Variants in CLASP2 observed in about 807,000 individuals in gnomAD.
CLASP2 encodes the protein cytoplasmic linker associated protein 2.
Under a neutral mutation model 194.4 loss-of-function variants are expected in CLASP2, and 47 were observed. The observed-to-expected ratio is 0.24, with a 90% CI of 0.19 to 0.31. CLASP2 has a LOEUF of 0.31. Ranked by LOEUF, CLASP2 falls within the 10% of genes least tolerant of loss-of-function variation. The probability of loss-of-function intolerance (pLI) is 1.00; values close to 1 mark genes in which losing one functional copy is unlikely to be tolerated. For missense variants in CLASP2, 1,445 were observed against 1,823.6 expected, an observed-to-expected ratio of 0.79 and a Z score of 3.78; for synonymous variants, 619 against 633.5, an observed-to-expected ratio of 0.98 and a Z score of 0.34.
chr3:33,675,090 G>C (rs1433005004), intron 6 of CLASP2, among the ~76,000 whole-genome samples: 1 of 152,130 alleles, frequency 6.6e-6, no homozygotes, highest in Non-Finnish European at 1.5e-5. Flanking sequence ...CATTTTATGA[G>C]GCCAGCATCA....
At chr3:33,675,744 G>A (rs1344833554) in intron 6 of CLASP2, among the ~76,000 whole-genome samples, 2 of 142,922 alleles carry the variant, frequency 1.4e-5, no homozygotes, top group Non-Finnish European at 3.1e-5. Context: ...CAAAGTCTCA[G>A]GATACAAAAT....
chr3:33,638,429 C>T (rs1027048457), intron 8 of CLASP2, among the ~76,000 whole-genome samples: 5 of 152,080 alleles, frequency 3.3e-5, no homozygotes, highest in Admixed American at 1.3e-4. Context: ...CTCAGCCTCC[C>T]GAATAGCTGG....
chr3:33,640,959 T>C (rs985659583), intron 8 of CLASP2, among the ~76,000 whole-genome samples: 1 of 152,074 alleles, frequency 6.6e-6, no homozygotes, highest in Non-Finnish European at 1.5e-5. Flanking sequence ...CTCAGTGCTA[T>C]AGAATCTAAA....
At chr3:33,498,748 G>A in intron 38 of CLASP2, 31 bp from the exon 39 acceptor site, 1 of 1,431,130 alleles carries the variant, frequency 7.0e-7, no homozygotes, top group South Asian at 1.2e-5. Context: ...AATGTCATTT[G>A]AGCAAGCTGC....
At chr3:33,649,431 G>A (rs935566752) in intron 7 of CLASP2, among the ~76,000 whole-genome samples, 2 of 152,042 alleles carry the variant, frequency 1.3e-5, no homozygotes, top group Non-Finnish European at 1.5e-5. Context: ...TATCTAGAAC[G>A]GCACACATTT....
At chr3:33,521,482 G>C (rs2053072064) in intron 34 of CLASP2, among the ~76,000 whole-genome samples, 1 of 152,130 alleles carries the variant, frequency 6.6e-6, no homozygotes, top group Non-Finnish European at 1.5e-5. Context: ...CTGATGCAAA[G>C]AATGTATAAC....
intron 12 of CLASP2, among the ~76,000 whole-genome samples, chr3:33,616,699 T>C (rs978874686): frequency 2.7e-5 from 4 of 146,508 alleles, no homozygotes; most frequent in African/African-American, 1.0e-4. Flanking sequence ...AATTCAAGGA[T>C]AAAACAAAGA....
In CLASP2 at chr3:33,663,464, C is replaced by T. The variant is rs1559568830; in HGVS notation, c.696G>A (p.Met232Ile). 6.2e-7 allele frequency: 1 copy of T among 1,612,544 alleles called. No individual in the cohort carries two copies. The highest frequency in any genetic ancestry group is 8.5e-7 in the Non-Finnish European group (1 of 1,179,192). The change falls in exon 7 of 39, where the codon ATG (methionine) becomes ATA (isoleucine). Residue 232 changes from methionine (M) to isoleucine (I), a missense_variant. This residue lies in a region of CLASP2 where 332 missense variants were observed against 325.3 expected (regional missense o/e 1.02). Coordinates refer to ENST00000682230, the MANE Select transcript of CLASP2 (RefSeq NM_001365631.1). ...TCTTACCTTTGCAGACACTCAAAAT[C>T]ATACCGCCTGAACTTTGCACTTCAT... ...KFDEVQSSGG[M>I]ILSVCKDKSF...
At chr3:33,552,913 A>G (rs2060272434) in intron 29 of CLASP2, among the ~76,000 whole-genome samples, 1 of 152,192 alleles carries the variant, frequency 6.6e-6, no homozygotes, top group African/African-American at 2.4e-5. Flanking sequence ...TATTAACTAT[A>G]GTCACCATGT....
At chr3:33,527,754 G>C (rs935921087) in intron 34 of CLASP2, among the ~76,000 whole-genome samples, 1 of 152,084 alleles carries the variant, frequency 6.6e-6, no homozygotes, top group Non-Finnish European at 1.5e-5. Flanking sequence ...CTGAGGTCAG[G>C]AGCTTGAGAC....
rs1293017898 is a variant in CLASP2 at position 33,510,514 on chromosome 3, C to A, written c.4317+44G>T. 3 of 1,570,262 alleles carry A rather than the reference C, an allele frequency of 1.9e-6. No homozygotes were observed. The South Asian group carries it at 3.3e-5, about 17-fold the overall frequency. ...GGAAAGTACCTAAAATAACTGTATCCCAAATGTATCATGGCTTATTCCTCT... is the reference window on the plus strand; with the variant it reads ...GGAAAGTACCTAAAATAACTGTATCACAAATGTATCATGGCTTATTCCTCT... On this transcript the variant is annotated intron_variant, in intron 37 of 38. Coordinates refer to ENST00000682230, the MANE Select transcript of CLASP2 (RefSeq NM_001365631.1).
At chr3:33,581,031 AGAAAGAAAG>A (rs1360055032) in intron 23 of CLASP2, among the ~76,000 whole-genome samples, 2 of 146,350 alleles carry the variant, frequency 1.4e-5, no homozygotes, top group Admixed American at 1.4e-4. Flanking sequence ...AAAAAAAAAA[AGAAAGAAAG>A]AAAAAAAAGA....
At chr3:33,525,985 G>A (rs1432298371) in intron 34 of CLASP2, among the ~76,000 whole-genome samples, 5 of 152,278 alleles carry the variant, frequency 3.3e-5, no homozygotes, top group African/African-American at 4.8e-5. Flanking sequence ...CCAGTCTTCC[G>A]GCTTTATAGA....
intron 12 of CLASP2, among the ~76,000 whole-genome samples, chr3:33,617,648 TACC>T (rs1348774543): frequency 4.0e-5 from 6 of 151,618 alleles, no homozygotes; most frequent in Admixed American, 6.6e-5. Context: ...CTGTAGAAAA[TACC>T]ACAACATATG....
chr3:33,596,889 T>C (rs138406319), intron 18 of CLASP2, among the ~76,000 whole-genome samples, 155 bp from the exon 19 acceptor site: 1 of 152,288 alleles, frequency 6.6e-6, no homozygotes, highest in African/African-American at 2.4e-5. Context: ...GACTAGGAAA[T>C]TAAACCAGAT....
intron 33 of CLASP2, among the ~76,000 whole-genome samples, chr3:33,537,090 T>TGATC (rs1178321018): frequency 1.3e-5 from 2 of 152,144 alleles, no homozygotes; most frequent in Non-Finnish European, 1.5e-5. Flanking sequence ...AGCTTAGAGG[T>TGATC]GATCACCTGA....
intron 8 of CLASP2, 82 bp downstream of exon 8, chr3:33,644,675 T>C (rs2081978479): frequency 5.5e-6 from 8 of 1,461,902 alleles, no homozygotes; most frequent in East Asian, 2.3e-5. Flanking sequence ...TGAATAAACA[T>C]ATTCCTCTGA....
At chr3:33,651,041 T>C (rs145993074) in intron 7 of CLASP2, among the ~76,000 whole-genome samples, 1 of 152,188 alleles carries the variant, frequency 6.6e-6, no homozygotes, top group African/African-American at 2.4e-5. Flanking sequence ...TGAACTGATA[T>C]GAGGCTATTT....
chr3:33,670,704 C>A (rs1041721798), intron 6 of CLASP2, among the ~76,000 whole-genome samples: 1 of 152,136 alleles, frequency 6.6e-6, no homozygotes, highest in Non-Finnish European at 1.5e-5. Context: ...GAAAACCTGA[C>A]CTGTAGTTAA....
Sources: allele counts gnomAD v4.1 joint callset (sites outside exome capture counted in the v4.1 genomes callset), GRCh38; gene constraint gnomAD v4.1.1; regional missense constraint gnomAD v4.1.1; transcripts MANE v1.5; gene names NCBI Gene and HGNC (gene_info 2026-07-23, HGNC 2026-07-21).